Variants in ATXN7 observed in about 807,000 individuals in gnomAD.
ATXN7 encodes ataxin-7.
In ATXN7, 12 loss-of-function variants were observed where a neutral mutation model predicts 70.5. The ratio of observed to expected loss-of-function variants is 0.17; its 90% CI spans 0.11 to 0.28. The LOEUF is 0.28. ATXN7 is among the 10% of genes least tolerant of loss of function. The pLI is 1.00. For synonymous variants in ATXN7, 498 were observed against 448.7 expected (o/e 1.11, Z -1.39); for missense variants, 1,256 against 1,131.7 (o/e 1.11, Z -1.58).
rs2075844977 is a variant in ATXN7 at position 64,002,548 on chromosome 3, C to T, written c.*3081C>T. ...GTGTATACTCAGCACATGTATGTTA[C>T]TATGTGATGTGGTTTAAAACTAATG... On this transcript the variant is annotated 3_prime_UTR_variant, in exon 13 of 13. Coordinates refer to ENST00000674280, the MANE Select transcript of ATXN7 (RefSeq NM_001377405.1). 1 of 151,968 alleles carries T rather than the reference C, an allele frequency of 6.6e-6. No homozygotes were observed. The highest frequency in any genetic ancestry group is 6.6e-5 in the Admixed American group (1 of 15,236). 9.4% of individuals were successfully genotyped at this position (151,968 alleles called of 1,614,324 possible).
At chr3:63,923,469 T>C (rs1037466405) in intron 4 of ATXN7, among the ~76,000 whole-genome samples, 1 of 152,154 alleles carries the variant, frequency 6.6e-6, no homozygotes, top group African/African-American at 2.4e-5. Context: ...AGGAAGACTT[T>C]TCTAAGCATT....
intron 1 of ATXN7, among the ~76,000 whole-genome samples, chr3:63,890,349 A>G (rs1703220099): frequency 6.6e-6 from 1 of 152,242 alleles, no homozygotes; most frequent in African/African-American, 2.4e-5. Flanking sequence ...TTAGACATGT[A>G]AGACCCAGCC....
intron 1 of ATXN7, among the ~76,000 whole-genome samples, chr3:63,879,810 G>A (rs984665602): frequency 3.9e-5 from 6 of 152,098 alleles, no homozygotes; most frequent in Non-Finnish European, 7.3e-5. Context: ...GTGGCCAGTC[G>A]CGGTGGCTCA....
chr3:63,980,389 A>G (rs891982059), intron 6 of ATXN7: 3 of 614,500 alleles, frequency 4.9e-6, no homozygotes, highest in Non-Finnish European at 8.3e-6. Flanking sequence ...TTATTGATCC[A>G]TTCTTGTGTG....
At chr3:63,894,756 T>A (rs1703393812) in intron 1 of ATXN7, among the ~76,000 whole-genome samples, 1 of 152,166 alleles carries the variant, frequency 6.6e-6, no homozygotes, top group Non-Finnish European at 1.5e-5. Flanking sequence ...ACTCCTGGAC[T>A]TAAGCAGTCC....
At chr3:63,933,265 TCCC>T (rs1456767362) in intron 4 of ATXN7, among the ~76,000 whole-genome samples, 1 of 152,194 alleles carries the variant, frequency 6.6e-6, no homozygotes, top group African/African-American at 2.4e-5. Flanking sequence ...TTCCTGTGTC[TCCC>T]TTTCTTCAAG....
intron 5 of ATXN7, among the ~76,000 whole-genome samples, chr3:63,968,857 T>TG (rs2075268150): frequency 6.6e-6 from 1 of 152,184 alleles, no homozygotes; most frequent in Non-Finnish European, 1.5e-5. Context: ...TCATGCCTTG[T>TG]GTAATAATGA....
chr3:63,867,393 C>G lies in ATXN7; in HGVS notation c.-111+3235C>G, dbSNP rs141340412. On this transcript the variant is annotated intron_variant, in intron 1 of 12. Transcript: ENST00000674280. ...TCACTTTGTTGCCCAGTCTGGAATG[C>G]AATTGCATGAAACTGGCTCACTGCA... is the stretch of plus-strand genomic sequence containing the variant. Among the ~76,000 whole-genome samples the G allele has an allele frequency of 6.9e-4, 105 of 152,164 alleles. 2 individuals carry two copies. Among genetic ancestry groups the G allele is most frequent in the African/African-American group, 2.5e-3 (103 of 41,498 alleles).
chr3:63,920,704 A>G (rs957011472), intron 4 of ATXN7, among the ~76,000 whole-genome samples: 10 of 152,168 alleles, frequency 6.6e-5, no homozygotes, highest in African/African-American at 1.2e-4. Context: ...GGAAGTATCT[A>G]CAGTTTGCAT....
intron 4 of ATXN7, among the ~76,000 whole-genome samples, chr3:63,942,229 A>G (rs1053170660): frequency 1.3e-5 from 2 of 152,180 alleles, no homozygotes; most frequent in African/African-American, 4.8e-5. Flanking sequence ...AGCTCATCTA[A>G]TAAGATGGTA....
intron 2 of ATXN7, among the ~76,000 whole-genome samples, chr3:63,899,494 G>C (rs1170335239): frequency 2.0e-5 from 3 of 152,048 alleles, no homozygotes; most frequent in African/African-American, 7.2e-5. Context: ...AAAAAGGGCT[G>C]AGTACAGTGG....
At chr3:63,928,534 T>C (rs984609298) in intron 4 of ATXN7, among the ~76,000 whole-genome samples, 1 of 152,254 alleles carries the variant, frequency 6.6e-6, no homozygotes, top group Non-Finnish European at 1.5e-5. Flanking sequence ...GAGCACTTAC[T>C]GTGTGTGTCA....
At chr3:63,916,810 T>G (rs1041816238) in intron 4 of ATXN7, among the ~76,000 whole-genome samples, 9 of 152,264 alleles carry the variant, frequency 5.9e-5, no homozygotes, top group African/African-American at 2.2e-4. Context: ...TGCATTCTTG[T>G]ATTTGTATTG....
At chr3:63,967,128 T>C (rs2075238063) in intron 5 of ATXN7, among the ~76,000 whole-genome samples, 1 of 152,144 alleles carries the variant, frequency 6.6e-6, no homozygotes, top group Admixed American at 6.5e-5. Flanking sequence ...AGTAGATTTG[T>C]TGATTGGCCA....
chr3:63,863,582 A>T (rs549394550), upstream of ATXN7: 1 of 1,197,012 alleles, frequency 8.4e-7, no homozygotes, highest in Non-Finnish European at 1.0e-6. Flanking sequence ...CTCTGGCGAG[A>T]GGAGGAAGGA....
Position 63,912,791 on chromosome 3 carries a change from C to A in ATXN7, c.193C>A (p.Pro65Thr). Reference sequence around the variant, plus strand: ...GCGCACACGGCCGGAGGACGGCGGGCCCGGCGCCGCCTCCACCTCGGCCGC... The same window carrying A: ...GCGCACACGGCCGGAGGACGGCGGGACCGGCGCCGCCTCCACCTCGGCCGC... ...PRRTRPEDGG[P>T]GAASTSAAAM... Residue 65 changes from proline to threonine, a missense_variant, in exon 3 of 13, where the codon CCC (proline) becomes ACC (threonine). Physicochemically the swap from Pro to Thr is conservative, Grantham distance 38. Coordinates refer to ENST00000674280, the MANE Select transcript of ATXN7 (RefSeq NM_001377405.1). 1.3e-6 allele frequency: 2 copies of A among 1,540,326 alleles called. No individual in the cohort carries two copies.
At chr3:63,866,487 C>T (rs1702434329) in intron 1 of ATXN7, among the ~76,000 whole-genome samples, 1 of 152,130 alleles carries the variant, frequency 6.6e-6, no homozygotes, top group African/African-American at 2.4e-5. Context: ...AACTGCTGGG[C>T]TCAAGCGATC....
At chr3:63,929,882 G>A (rs1034836217) in intron 4 of ATXN7, among the ~76,000 whole-genome samples, 4 of 152,130 alleles carry the variant, frequency 2.6e-5, no homozygotes, top group African/African-American at 4.8e-5. Context: ...CTCTCTGACC[G>A]CAGAGCCTGT....
intron 4 of ATXN7, among the ~76,000 whole-genome samples, chr3:63,938,108 T>C (rs970868736): frequency 6.6e-6 from 1 of 152,240 alleles, no homozygotes; most frequent in African/African-American, 2.4e-5. Context: ...GTCAGGGTGT[T>C]AGCTGCCAAC....
Sources: allele counts gnomAD v4.1 joint callset (sites outside exome capture counted in the v4.1 genomes callset), GRCh38; gene constraint gnomAD v4.1.1; transcripts MANE v1.5; gene names NCBI Gene and HGNC (gene_info 2026-07-23, HGNC 2026-07-21).